The following DSCAML1 variants were observed in gnomAD, a reference collection of about 807,000 sequenced individuals.
DSCAML1 encodes cell adhesion molecule DSCAML1.
In DSCAML1, 38 loss-of-function variants were observed where a neutral mutation model predicts 200.5. The ratio of observed to expected loss-of-function variants is 0.19; its 90% CI spans 0.15 to 0.25. The LOEUF is 0.25. DSCAML1 is among the 10% of genes least tolerant of loss of function. The probability of loss-of-function intolerance (pLI) is 1.00; values close to 1 mark genes in which losing one functional copy is unlikely to be tolerated. For missense variants in DSCAML1, 2,223 were observed against 2,858.8 expected, an observed-to-expected ratio of 0.78 and a Z score of 5.07; for synonymous variants, 1,215 against 1,165.0, an observed-to-expected ratio of 1.04 and a Z score of -0.87.
At chr11:117,659,616 C>T (rs1008751004) in intron 3 of DSCAML1, among the ~76,000 whole-genome samples, 4 of 152,322 alleles carry the variant, frequency 2.6e-5, no homozygotes, top group Middle Eastern at 3.4e-3. Context: ...GTGGAGGAAG[C>T]CACTGGGCTT....
chr11:117,738,880 C>G (rs2054371761), intron 3 of DSCAML1, among the ~76,000 whole-genome samples: 3 of 152,212 alleles, frequency 2.0e-5, no homozygotes, highest in Admixed American at 2.0e-4. Context: ...TTCCCTGCAT[C>G]TGGGTACTTT....
chr11:117,509,230 G>A (rs1397153787), intron 8 of DSCAML1, among the ~76,000 whole-genome samples: 2 of 152,126 alleles, frequency 1.3e-5, no homozygotes, highest in African/African-American at 4.8e-5. Flanking sequence ...TGGAATTTGA[G>A]CTGAGAGTTA....
At position 117,617,676 on chromosome 11, in the gene DSCAML1, ACACG is replaced by A. The variant is rs1314808136; in HGVS notation, c.512-85158_512-85155del. On this transcript the variant is annotated intron_variant, in intron 3 of 32. Transcript: ENST00000651296. ...CACTGCCACAAGACAACACACAGGT[ACACG>A]CACACACACACACACACACACACAC... Among the ~76,000 whole-genome samples the A allele has an allele frequency of 3.8e-5, 4 of 106,206 alleles. No homozygotes were observed. The South Asian group carries it at 1.4e-3, about 37-fold the overall frequency. The allele number at this position is 106,206 out of a possible 152,430, so 69.7% of individuals were successfully genotyped here.
chr11:117,735,223 A>G (rs1044421963), intron 3 of DSCAML1, among the ~76,000 whole-genome samples: 2 of 152,208 alleles, frequency 1.3e-5, no homozygotes, highest in African/African-American at 4.8e-5. Context: ...GGAGGAAGGA[A>G]AGAAGACAGG....
At chr11:117,656,764 T>G (rs1053407829) in intron 3 of DSCAML1, among the ~76,000 whole-genome samples, 1 of 152,154 alleles carries the variant, frequency 6.6e-6, no homozygotes, top group Non-Finnish European at 1.5e-5. Flanking sequence ...AGAACACACA[T>G]GAAGGGTTTA....
At chr11:117,744,346 C>T (rs978700155) in intron 3 of DSCAML1, among the ~76,000 whole-genome samples, 4 of 152,218 alleles carry the variant, frequency 2.6e-5, no homozygotes, top group African/African-American at 4.8e-5. Context: ...AACCTTAGTG[C>T]CTCCACGACA....
At position 117,521,055 on chromosome 11, in the gene DSCAML1, C is replaced by A; in HGVS notation, c.1213+75G>T. 16 of 1,564,186 alleles carry A rather than the reference C, an allele frequency of 1.0e-5. No individual in the cohort carries two copies. The South Asian group carries it at 1.7e-4, about 16-fold the overall frequency. On this transcript the variant is annotated intron_variant, in intron 6 of 32. Coordinates refer to ENST00000651296, the MANE Select transcript of DSCAML1 (RefSeq NM_020693.4). ...TGGTTTAATGCCTCCTGGCATTGCT[C>A]CCACCTCAGCAGAAGGGAGGGAATG...
At position 117,460,949 on chromosome 11, in the gene DSCAML1, T is replaced by A. The variant is rs1041268549; in HGVS notation, c.3412+501A>T. ...GTTGATGGCTTCCTGCTGATGCTGGTCCCAGGTGCCCACCTCCCTCCTCAG... is the reference window on the plus strand; with the variant it reads ...GTTGATGGCTTCCTGCTGATGCTGGACCCAGGTGCCCACCTCCCTCCTCAG... On this transcript the variant is annotated intron_variant, in intron 18 of 32. Coordinates refer to ENST00000651296, the MANE Select transcript of DSCAML1 (RefSeq NM_020693.4). Among the ~76,000 whole-genome samples the A allele has an allele frequency of 3.9e-5, 6 of 151,926 alleles. No individual in the cohort carries two copies. The East Asian group carries it at 9.7e-4, about 25-fold the overall frequency.
intron 3 of DSCAML1, among the ~76,000 whole-genome samples, chr11:117,667,618 A>G (rs2053005858): frequency 6.6e-6 from 1 of 152,058 alleles, no homozygotes; most frequent in Non-Finnish European, 1.5e-5. Flanking sequence ...TCCTCTTTGC[A>G]TCCAGGACTC....
chr11:117,812,849 C>T (rs1306201856), intron 1 of DSCAML1, among the ~76,000 whole-genome samples: 1 of 149,796 alleles, frequency 6.7e-6, no homozygotes, highest in African/African-American at 2.4e-5. Context: ...CAGGACCGCA[C>T]ACTGTAGCCT....
chr11:117,757,571 TATACACACACACAC>T (rs2054716459), intron 3 of DSCAML1, among the ~76,000 whole-genome samples: 2 of 83,610 alleles, frequency 2.4e-5, no homozygotes, highest in South Asian at 4.2e-4. Context: ...ATTAGGAGCC[TATACACACACACAC>T]ACACACACAC....
chr11:117,433,415 A>G, intron 28 of DSCAML1, 26 bp downstream of exon 28: 1 of 1,613,054 alleles, frequency 6.2e-7, no homozygotes, highest in African/African-American at 1.3e-5. Context: ...AAGGGAGGAG[A>G]AAGGAAGCAG....
intron 3 of DSCAML1, among the ~76,000 whole-genome samples, chr11:117,769,096 T>A (rs1275947483): frequency 7.7e-6 from 1 of 129,486 alleles, no homozygotes; most frequent in Admixed American, 1.0e-4. Context: ...TAATATATAT[T>A]TTATATATAT....
intron 3 of DSCAML1, among the ~76,000 whole-genome samples, chr11:117,585,165 A>G (rs1192836019): frequency 6.6e-6 from 1 of 152,164 alleles, no homozygotes; most frequent in Admixed American, 6.5e-5. Context: ...TTTGATACTC[A>G]GCAAAATGGA....
chr11:117,620,510 A>T (rs1032788227), intron 3 of DSCAML1, among the ~76,000 whole-genome samples: 1 of 152,172 alleles, frequency 6.6e-6, no homozygotes, highest in African/African-American at 2.4e-5. Context: ...TTAACTCCAG[A>T]GGGGAGATTT....
At chr11:117,799,911 AG>A (rs1384283469), upstream of DSCAML1, among the ~76,000 whole-genome samples, 2 of 152,206 alleles carry the variant, frequency 1.3e-5, no homozygotes, top group African/African-American at 4.8e-5. Flanking sequence ...AACTGGGAGG[AG>A]GGAACAGCTC....
intron 3 of DSCAML1, among the ~76,000 whole-genome samples, chr11:117,587,767 C>G (rs761769289): frequency 1.3e-5 from 2 of 152,170 alleles, no homozygotes; most frequent in Admixed American, 6.5e-5. Flanking sequence ...AAGCTATTCT[C>G]TGTTCTCCAT....
chr11:117,548,334 C>T (rs1417321433), intron 3 of DSCAML1, among the ~76,000 whole-genome samples: 1 of 152,232 alleles, frequency 6.6e-6, no homozygotes, highest in Non-Finnish European at 1.5e-5. Context: ...AAAGCTGGGG[C>T]TGTCCAAATC....
chr11:117,645,023 C>G (rs532048381), intron 3 of DSCAML1, among the ~76,000 whole-genome samples: 8 of 152,246 alleles, frequency 5.3e-5, no homozygotes, highest in African/African-American at 1.9e-4. Context: ...CCACGCTCCC[C>G]GAGGTGGGAT....
Sources: allele counts gnomAD v4.1 joint callset (sites outside exome capture counted in the v4.1 genomes callset), GRCh38; gene constraint gnomAD v4.1.1; transcripts MANE v1.5; gene names NCBI Gene and HGNC (gene_info 2026-07-23, HGNC 2026-07-21).